The following CD37 variants were observed in gnomAD, a reference collection of about 807,000 sequenced individuals.
CD37 encodes the protein leukocyte antigen CD37.
In CD37, 37 loss-of-function variants were observed where a neutral mutation model predicts 38.9. That is an observed-to-expected ratio of 0.95 (90% CI 0.73 to 1.25). CD37 has a LOEUF of 1.25. CD37 is among the 50% of genes most tolerant of loss of function. CD37 has a pLI of 0.00. For synonymous variants in CD37, 146 were observed against 150.1 expected (o/e 0.97, Z 0.20); for missense variants, 351 against 360.1 (o/e 0.97, Z 0.20).
chr19:49,335,849 C>G lies in CD37; in HGVS notation c.142+63C>G, dbSNP rs1970933912. Reference sequence around the variant, plus strand: ...ACCCAAGCAACTTCCTGGGGTCTCCCTTGTCTCAGGGAGACCTACGGTGCC... The same window carrying G: ...ACCCAAGCAACTTCCTGGGGTCTCCGTTGTCTCAGGGAGACCTACGGTGCC... On this transcript the variant is annotated intron_variant, in intron 2 of 7. Transcript: ENST00000323906. This position sits in a 1 kb window ranked among gnomAD's most constrained non-coding sequence, Gnocchi z 4.6. 2 of 1,379,196 alleles carry G rather than the reference C, an allele frequency of 1.5e-6. No homozygotes were observed. Among genetic ancestry groups the G allele is most frequent in the Non-Finnish European group, 1.0e-6 (1 of 971,274 alleles). 85.4% of individuals were successfully genotyped at this position (1,379,196 alleles called of 1,614,324 possible).
chr19:49,339,696 G>A lies in CD37; in HGVS notation c.768+283G>A. The A allele has an allele frequency of 2.1e-6, 3 of 1,412,450 alleles. No individual in the cohort carries two copies. Among genetic ancestry groups the A allele is most frequent in the Non-Finnish European group, 2.8e-6 (3 of 1,088,942 alleles). The allele number at this position is 1,412,450 out of a possible 1,614,324, so 87.5% of individuals were successfully genotyped here. On this transcript the variant is annotated intron_variant, in intron 7 of 7. Coordinates refer to ENST00000323906, the MANE Select transcript of CD37 (RefSeq NM_001774.3). The surrounding 1 kb of genome is among the most constrained non-coding windows in gnomAD (Gnocchi z 4.5). ...TGCTGAGCGTACAGCTACAGCGCAG[G>A]GCACTCCGCCGGAAATGCGAGCCGC...
chr19:49,336,016 G>C (rs1004458947), intron 2 of CD37: 1 of 577,136 alleles, frequency 1.7e-6, no homozygotes, highest in South Asian at 2.2e-5. Context: ...CCTATCTGTC[G>C]GGACTTGTGG....
Position 49,338,564 on chromosome 19 carries a change from C to A in CD37, c.448-136C>A. The A allele has an allele frequency of 2.9e-6, 2 of 683,024 alleles. No homozygotes were observed. Among genetic ancestry groups the A allele is most frequent in the Non-Finnish European group, 2.6e-6 (1 of 381,734 alleles). The allele number at this position is 683,024 out of a possible 1,614,324, so 42.3% of individuals were successfully genotyped here. On this transcript the variant is annotated intron_variant, in intron 5 of 7. Transcript: ENST00000323906. This position sits in a 1 kb window ranked among gnomAD's most constrained non-coding sequence, Gnocchi z 5.0. ...GGCTCCGGCCCCATCGTGACCCCAG[C>A]CCACTGTCCCCCACTCCACACCCAC...
Position 49,338,611 on chromosome 19 carries a change from A to G in CD37, c.448-89A>G, listed in dbSNP as rs915853204. The G allele has an allele frequency of 4.2e-5, 40 of 944,446 alleles. No homozygotes were observed. The highest frequency in any genetic ancestry group is 5.6e-5 in the Non-Finnish European group (33 of 594,176). 58.5% of individuals were successfully genotyped at this position (944,446 alleles called of 1,614,324 possible). ...CCACCACTTAGTCCCCTGCTCCCCG[A>G]CCTGACCTCATACCCATCACCTTGT... On this transcript the variant is annotated intron_variant, in intron 5 of 7. Coordinates refer to ENST00000323906, the MANE Select transcript of CD37 (RefSeq NM_001774.3). The surrounding 1 kb of genome is among the most constrained non-coding windows in gnomAD (Gnocchi z 5.0).
chr19:49,335,486 C>G lies in CD37; in HGVS notation c.-55C>G, dbSNP rs1600667410. 7 of 1,219,544 alleles carry G rather than the reference C, an allele frequency of 5.7e-6. No individual in the cohort carries two copies. The East Asian group carries it at 1.4e-4, about 24-fold the overall frequency. 75.5% of individuals were successfully genotyped at this position (1,219,544 alleles called of 1,614,324 possible). A position where few individuals can be genotyped will look rare whatever the true frequency, so the allele number is the denominator to read the frequency against. ...CCTCTTTCTTTCTCCCTGTCTCCCCCACTGTCAGCACCTCTTCTGTGTGGT... is the reference window on the plus strand; with the variant it reads ...CCTCTTTCTTTCTCCCTGTCTCCCCGACTGTCAGCACCTCTTCTGTGTGGT... On this transcript the variant is annotated 5_prime_UTR_variant, in exon 1 of 8. Transcript: ENST00000323906. The surrounding 1 kb of genome is among the most constrained non-coding windows in gnomAD (Gnocchi z 4.6).
chr19:49,338,231 G>T lies in CD37; in HGVS notation c.447+202G>T, dbSNP rs888462412. On this transcript the variant is annotated intron_variant, in intron 5 of 7. Transcript: ENST00000323906. This position sits in a 1 kb window ranked among gnomAD's most constrained non-coding sequence, Gnocchi z 5.0. ...GGTCTCCCAGTACCCAGACCCTGGC[G>T]TGGCTTCGCCATCTACCTCGAGAGA... 7.0e-7 allele frequency: 1 copy of T among 1,421,562 alleles called. No homozygotes were observed. Among genetic ancestry groups the T allele is most frequent in the African/African-American group, 1.4e-5 (1 of 69,312 alleles). 88.1% of individuals were successfully genotyped at this position (1,421,562 alleles called of 1,614,324 possible).
In CD37 at chr19:49,339,589, G is replaced by C; in HGVS notation, c.768+176G>C. On this transcript the variant is annotated intron_variant, in intron 7 of 7. Coordinates refer to ENST00000323906, the MANE Select transcript of CD37 (RefSeq NM_001774.3). This position sits in a 1 kb window ranked among gnomAD's most constrained non-coding sequence, Gnocchi z 4.5. ...GGTGGGGGCGGCCCAGCTTCAGGGA[G>C]CCCTGATTGGGTGTACGCAGGGAAA... is the stretch of plus-strand genomic sequence containing the variant. 6.9e-7 allele frequency: 1 copy of C among 1,448,246 alleles called. No individual in the cohort carries two copies. The allele number at this position is 1,448,246 out of a possible 1,614,324, so 89.7% of individuals were successfully genotyped here. A position where few individuals can be genotyped will look rare whatever the true frequency, so the allele number is the denominator to read the frequency against.
In CD37 at chr19:49,340,469, G is replaced by A; in HGVS notation, c.*141G>A. On this transcript the variant is annotated 3_prime_UTR_variant, in exon 8 of 8. Transcript: ENST00000323906. ...CCCCTGGGGACCCACGTGGCTGCGT[G>A]CCCCTGCTGCTGTCACCTCTCCCAC... 2.9e-6 allele frequency: 2 copies of A among 692,010 alleles called. No individual in the cohort carries two copies. The highest frequency in any genetic ancestry group is 2.0e-5 in the Admixed American group (1 of 48,994). The allele number at this position is 692,010 out of a possible 1,614,324, so 42.9% of individuals were successfully genotyped here.
At position 49,335,455 on chromosome 19, in the gene CD37, T is replaced by G; in HGVS notation, c.-86T>G. 1 of 974,892 alleles carries G rather than the reference T, an allele frequency of 1.0e-6. No individual in the cohort carries two copies. The highest frequency in any genetic ancestry group is 1.6e-6 in the Non-Finnish European group (1 of 608,506). 60.4% of individuals were successfully genotyped at this position (974,892 alleles called of 1,614,324 possible). On this transcript the variant is annotated 5_prime_UTR_variant, in exon 1 of 8. Transcript: ENST00000323906. This position sits in a 1 kb window ranked among gnomAD's most constrained non-coding sequence, Gnocchi z 4.6. ...TCTCAGCTCTCCGTCTCTCTTTCTC[T>G]CTCAGCCTCTTTCTTTCTCCCTGTC...
In CD37 at chr19:49,338,760, A is replaced by T; in HGVS notation, c.508A>T (p.Asn170Tyr). 1 of 1,613,578 alleles carries T rather than the reference A, an allele frequency of 6.2e-7. No homozygotes were observed. The highest frequency in any genetic ancestry group is 1.6e-4 in the Middle Eastern group (1 of 6,062). The change falls in exon 6 of 8, where the codon AAC becomes TAC. Residue 170 changes from asparagine to tyrosine, a missense_variant. By Grantham distance (143) the Asn-to-Tyr change is moderately radical. Coordinates refer to ENST00000323906, the MANE Select transcript of CD37 (RefSeq NM_001774.3). The surrounding 1 kb of genome is among the most constrained non-coding windows in gnomAD (Gnocchi z 5.0). Reference sequence around the variant, plus strand: ...GTTCCAAGTCCTCATCCTGAGAGGTAACGGGTCGGAGGCGCACCGCGTGCC... The same window carrying T: ...GTTCCAAGTCCTCATCCTGAGAGGTTACGGGTCGGAGGCGCACCGCGTGCC... Reference protein sequence around the residue: ...DWFQVLILRGNGSEAHRVPCS... With the variant: ...DWFQVLILRGYGSEAHRVPCS...
At position 49,339,779 on chromosome 19, in the gene CD37, G is replaced by A; in HGVS notation, c.768+366G>A. ...CCCAGCCTGATCGCTGACGGCGGCG[G>A]CGGGCACAGCGGCAGTCTGTGGGGT... On this transcript the variant is annotated intron_variant, in intron 7 of 7. Coordinates refer to ENST00000323906, the MANE Select transcript of CD37 (RefSeq NM_001774.3). The surrounding 1 kb of genome is among the most constrained non-coding windows in gnomAD (Gnocchi z 4.5). 1 of 1,365,260 alleles carries A rather than the reference G, an allele frequency of 7.3e-7. No homozygotes were observed. The highest frequency in any genetic ancestry group is 9.4e-7 in the Non-Finnish European group (1 of 1,060,300). The allele number at this position is 1,365,260 out of a possible 1,614,324, so 84.6% of individuals were successfully genotyped here.
chr19:49,337,317 C>A, intron 4 of CD37, 96 bp downstream of exon 4: 1 of 1,185,350 alleles, frequency 8.4e-7, no homozygotes, highest in Non-Finnish European at 1.2e-6. Flanking sequence ...CAAGGGCAGA[C>A]AGGGGCTAAC....
Position 49,338,547 on chromosome 19 carries a change from C to T in CD37, c.448-153C>T, listed in dbSNP as rs1971046188. On this transcript the variant is annotated intron_variant, in intron 5 of 7. Coordinates refer to ENST00000323906, the MANE Select transcript of CD37 (RefSeq NM_001774.3). The surrounding 1 kb of genome is among the most constrained non-coding windows in gnomAD (Gnocchi z 5.0). ...TTCCCGTAATGTCCCCTGGCTCCGG[C>T]CCCATCGTGACCCCAGCCCACTGTC... 6.6e-6 allele frequency among the ~76,000 whole-genome samples: 1 copy of T among 151,988 alleles called. No homozygotes were observed. Among genetic ancestry groups the T allele is most frequent in the African/African-American group, 2.4e-5 (1 of 41,370 alleles).
Position 49,339,719 on chromosome 19 carries a change from C to G in CD37, c.768+306C>G. ...AGGGCACTCCGCCGGAAATGCGAGC[C>G]GCACGTGCCGGGCGCTGGGGATTCG... On this transcript the variant is annotated intron_variant, in intron 7 of 7. Transcript: ENST00000323906. This position sits in a 1 kb window ranked among gnomAD's most constrained non-coding sequence, Gnocchi z 4.5. The G allele has an allele frequency of 7.1e-7, 1 of 1,401,138 alleles. No individual in the cohort carries two copies. The highest frequency in any genetic ancestry group is 9.2e-7 in the Non-Finnish European group (1 of 1,082,872). 86.8% of individuals were successfully genotyped at this position (1,401,138 alleles called of 1,614,324 possible).
At chr19:49,337,654 A>G (rs2066586549) in intron 4 of CD37, 1 of 1,516,026 alleles carries the variant, frequency 6.6e-7, no homozygotes, top group Non-Finnish European at 8.8e-7. Flanking sequence ...ACCAAGGGAG[A>G]CAGGCATAAA....
Position 49,335,617 on chromosome 19 carries a change from G to T in CD37, c.69+8G>T, listed in dbSNP as rs1185131485. ...TTCAACCTCTTCTTCTTCGTGAGTT[G>T]CCTCATGGCTACCCAGCCGGGGCCC... On this transcript the variant is annotated splice_region_variant and intron_variant, in intron 1 of 7. Coordinates refer to ENST00000323906, the MANE Select transcript of CD37 (RefSeq NM_001774.3). This position sits in a 1 kb window ranked among gnomAD's most constrained non-coding sequence, Gnocchi z 4.6. 4 of 1,613,230 alleles carry T rather than the reference G, an allele frequency of 2.5e-6. No individual in the cohort carries two copies. Among genetic ancestry groups the T allele is most frequent in the Non-Finnish European group, 3.4e-6 (4 of 1,179,278 alleles).
chr19:49,339,024 G>A lies in CD37; in HGVS notation c.684+88G>A, dbSNP rs1159674978. On this transcript the variant is annotated intron_variant, in intron 6 of 7. Transcript: ENST00000323906. This position sits in a 1 kb window ranked among gnomAD's most constrained non-coding sequence, Gnocchi z 4.5. The stretch of plus-strand genomic sequence containing the variant: ...TGTCAGTGAGTAGCGGCCTGAGAAA[G>A]GGCGGGGTCTACGAGAAAAGGAAAG... 2 of 1,094,034 alleles carry A rather than the reference G, an allele frequency of 1.8e-6. No homozygotes were observed. The highest frequency in any genetic ancestry group is 1.8e-5 in the Admixed American group (1 of 54,954). 67.8% of individuals were successfully genotyped at this position (1,094,034 alleles called of 1,614,324 possible).
Position 49,338,972 on chromosome 19 carries a change from G to T in CD37, c.684+36G>T. 6.5e-7 allele frequency: 1 copy of T among 1,526,886 alleles called. No homozygotes were observed. The highest frequency in any genetic ancestry group is 1.1e-5 in the South Asian group (1 of 88,926). The allele number at this position is 1,526,886 out of a possible 1,614,324, so 94.6% of individuals were successfully genotyped here. A position where few individuals can be genotyped will look rare whatever the true frequency, so the allele number is the denominator to read the frequency against. ...GTTCGGAGCATAAACCTGTCGAATG[G>T]GGCGGGGCCTGCGGGAGGGGGAGGG... On this transcript the variant is annotated intron_variant, in intron 6 of 7. Coordinates refer to ENST00000323906, the MANE Select transcript of CD37 (RefSeq NM_001774.3). The surrounding 1 kb of genome is among the most constrained non-coding windows in gnomAD (Gnocchi z 5.0).
chr19:49,338,734 G>T lies in CD37; in HGVS notation c.482G>T (p.Trp161Leu). 6.2e-7 allele frequency: 1 copy of T among 1,612,932 alleles called. No homozygotes were observed. ...RCCGWHYPQD[W>L]FQVLILRGNG... The stretch of plus-strand genomic sequence containing the variant: ...TGCGGCTGGCACTACCCGCAGGACT[G>T]GTTCCAAGTCCTCATCCTGAGAGGT... The change falls in exon 6 of 8, where the codon TGG (tryptophan) becomes TTG (leucine). Residue 161 changes from tryptophan to leucine, a missense_variant. Transcript: ENST00000323906. The surrounding 1 kb of genome is among the most constrained non-coding windows in gnomAD (Gnocchi z 5.0).
Sources: gnomAD v4.1 joint callset for allele counts (sites outside exome capture counted in the v4.1 genomes callset) on GRCh38, gnomAD v4.1.1 for gene constraint, Gnocchi (gnomAD v3.1) non-coding constraint, MANE v1.5 for transcripts, NCBI Gene and HGNC (gene_info 2026-07-23, HGNC 2026-07-21) for gene names.